Variants in HIPK3 observed in about 807,000 individuals in gnomAD.
The protein encoded by HIPK3 is homeodomain interacting protein kinase 3.
HIPK3 carries 47 observed loss-of-function variants against 124.2 expected under a neutral mutation model. That is an observed-to-expected ratio of 0.38 (90% CI 0.30 to 0.48). HIPK3 has a LOEUF of 0.48. HIPK3 is among the 20% of genes least tolerant of loss of function. HIPK3 has a pLI of 0.98. For missense variants in HIPK3, 1,286 were observed against 1,454.3 expected (o/e 0.88, Z 1.88); for synonymous variants, 482 against 515.2 (o/e 0.94, Z 0.87).
At chr11:33,320,119 G>C (rs1351210345) in intron 2 of HIPK3, among the ~76,000 whole-genome samples, 1 of 152,212 alleles carries the variant, frequency 6.6e-6, no homozygotes, top group Non-Finnish European at 1.5e-5. Context: ...AATGTGGCTG[G>C]ACCAGAGCAA....
Position 33,353,023 on chromosome 11 carries a change from C to T in HIPK3, c.3172-69C>T, listed in dbSNP as rs1240718758. ...ATCACAAAGGGTATATTGTAATTTC[C>T]CTTTCTTTCTTTCCTTTTATCTTTT... On this transcript the variant is annotated intron_variant, in intron 16 of 16. Coordinates refer to ENST00000303296, the MANE Select transcript of HIPK3 (RefSeq NM_005734.5). The T allele has an allele frequency of 8.5e-6, 8 of 942,772 alleles. No individual in the cohort carries two copies. The South Asian group carries it at 1.1e-4, about 14-fold the overall frequency. The allele number at this position is 942,772 out of a possible 1,614,324, so 58.4% of individuals were successfully genotyped here.
intron 4 of HIPK3, among the ~76,000 whole-genome samples, chr11:33,337,517 G>T (rs182691307): frequency 0.01 from 1,554 of 151,334 alleles, 8 homozygotes; most frequent in Non-Finnish European, 0.015. Context: ...CACCATGCCC[G>T]GCTAATTTTT....
rs778527157 is a variant in HIPK3, at chr11:33,354,522, G to A, written c.*954G>A. The A allele has an allele frequency of 2.0e-5, 3 of 152,566 alleles. No homozygotes were observed. The highest frequency in any genetic ancestry group is 2.9e-5 in the Non-Finnish European group (2 of 67,982). 9.5% of individuals were successfully genotyped at this position (152,566 alleles called of 1,614,324 possible). On this transcript the variant is annotated 3_prime_UTR_variant, in exon 17 of 17. Coordinates refer to ENST00000303296, the MANE Select transcript of HIPK3 (RefSeq NM_005734.5). The stretch of plus-strand genomic sequence containing the variant: ...ACTTAATAAAATGTTTAGAGGTACA[G>A]TAGGCATGACTTTGGGTAGATAATA...
Position 33,286,876 on chromosome 11 carries a change from G to A in HIPK3, c.462G>A (p.Leu154=), listed in dbSNP as rs1442623535. 6.2e-7 allele frequency: 1 copy of A among 1,614,160 alleles called. No homozygotes were observed. Among genetic ancestry groups the A allele is most frequent in the African/African-American group, 1.3e-5 (1 of 75,040 alleles). ...AATTGTCCATACTTCCTGCAATGTT[G>A]CAAACCAACATGGGAAATCCAGTGA... ...VDELSILPAM[L]QTNMGNPVTV... The change falls in exon 2 of 17, where the codon TTG becomes TTA. Residue 154 remains leucine (L), a synonymous_variant. Coordinates refer to ENST00000303296, the MANE Select transcript of HIPK3 (RefSeq NM_005734.5).
intron 8 of HIPK3, among the ~76,000 whole-genome samples, chr11:33,343,869 G>A (rs931215083): frequency 1.3e-5 from 2 of 152,182 alleles, no homozygotes; most frequent in African/African-American, 4.8e-5. Flanking sequence ...AGGTGAAATT[G>A]TGGCCCAGTG....
Position 33,257,458 on chromosome 11 carries a change from C to G in HIPK3, c.-434C>G, listed in dbSNP as rs1028851009. On this transcript the variant is annotated 5_prime_UTR_variant, in exon 1 of 17. Transcript: ENST00000303296. ...CAAGCCGCAGGCCCCGCCGTCGCCA[C>G]CACTCCCGCCAGTCTTCCTTCTCCG... 4.1e-6 allele frequency: 4 copies of G among 985,608 alleles called. No individual in the cohort carries two copies. In the Admixed American group the frequency reaches 2.5e-4, roughly 61 times the overall value. 61.1% of individuals were successfully genotyped at this position (985,608 alleles called of 1,614,324 possible). A position where few individuals can be genotyped will look rare whatever the true frequency, so the allele number is the denominator to read the frequency against.
At chr11:33,343,705 G>A (rs1220737892) in intron 8 of HIPK3, among the ~76,000 whole-genome samples, 2 of 152,188 alleles carry the variant, frequency 1.3e-5, no homozygotes, top group Non-Finnish European at 2.9e-5. Flanking sequence ...TAAGAGATGT[G>A]AAAACAGGTC....
intron 2 of HIPK3, among the ~76,000 whole-genome samples, chr11:33,306,213 G>T (rs1852154771): frequency 1.3e-5 from 2 of 152,088 alleles, no homozygotes; most frequent in Non-Finnish European, 2.9e-5. Flanking sequence ...GAATGTATTT[G>T]ATTTTGAGTA....
At chr11:33,351,587 A>G in intron 14 of HIPK3, 21 bp from the exon 15 acceptor site, 1 of 1,579,932 alleles carries the variant, frequency 6.3e-7, no homozygotes. Flanking sequence ...ATCACTCATA[A>G]AAAATGCTTT....
chr11:33,287,950 T>C (rs1851600576), intron 2 of HIPK3, among the ~76,000 whole-genome samples: 1 of 152,200 alleles, frequency 6.6e-6, no homozygotes, highest in South Asian at 2.1e-4. Flanking sequence ...GTAGCCCTTA[T>C]CTGAAACTTT....
chr11:33,347,238 A>G (rs746359251), intron 8 of HIPK3, 55 bp from the exon 9 acceptor site: 193 of 1,496,452 alleles, frequency 1.3e-4, no homozygotes, highest in Non-Finnish European at 1.6e-4. Flanking sequence ...ATAATTGTAT[A>G]AGTTAAATAA....
At chr11:33,277,284 A>G (rs969172996) in intron 1 of HIPK3, among the ~76,000 whole-genome samples, 1 of 152,190 alleles carries the variant, frequency 6.6e-6, no homozygotes, top group Non-Finnish European at 1.5e-5. Flanking sequence ...TGTTAACTTT[A>G]TAATAAATGA....
chr11:33,323,861 T>C (rs1852734839), intron 2 of HIPK3, among the ~76,000 whole-genome samples: 1 of 152,226 alleles, frequency 6.6e-6, no homozygotes, highest in African/African-American at 2.4e-5. Context: ...ACTTACCTTC[T>C]AACTGTGAGT....
rs906247710 is a variant in HIPK3 at position 33,304,328 on chromosome 11, C to T, written c.1097+16817C>T. Among the ~76,000 whole-genome samples, 7 of 152,188 alleles carry T rather than the reference C, an allele frequency of 4.6e-5. 1 individual carries two copies. Among genetic ancestry groups the T allele is most frequent in the East Asian group, 1.9e-4 (1 of 5,176 alleles). ...ATCCCAGCACTTTGGGAAGCCGAGG[C>T]GGGTGAATCACCTGAATTCGGGACT... On this transcript the variant is annotated intron_variant, in intron 2 of 16. Transcript: ENST00000303296.
At position 33,294,152 on chromosome 11, in the gene HIPK3, T is replaced by TGAAAAA. The variant is rs1445332877; in HGVS notation, c.1097+6648_1097+6653dup. Among the ~76,000 whole-genome samples the TGAAAAA allele has an allele frequency of 4.8e-5, 4 of 82,794 alleles. No individual in the cohort carries two copies. The East Asian group carries it at 9.0e-4, about 19-fold the overall frequency. The allele number at this position is 82,794 out of a possible 152,430, so 54.3% of individuals were successfully genotyped here. Reference sequence around the variant, plus strand: ...CTGGGCAACAGAGCGAGACTCCATCTGAAAAAGAAAAAAAAAAAAACGTAG... The same window carrying TGAAAAA: ...CTGGGCAACAGAGCGAGACTCCATCTGAAAAAGAAAAAGAAAAAAAAAAAAACGTAG... On this transcript the variant is annotated intron_variant, in intron 2 of 16. Transcript: ENST00000303296.
intron 2 of HIPK3, among the ~76,000 whole-genome samples, chr11:33,306,942 T>G (rs969623365): frequency 1.3e-5 from 2 of 151,308 alleles, no homozygotes. Context: ...CATCCACTTT[T>G]TTTTTTTTTT....
At position 33,317,993 on chromosome 11, in the gene HIPK3, A is replaced by G. The variant is rs143642357; in HGVS notation, c.1098-10517A>G. ...CTAAGAGGTATTTTAGAGGATGTCT[A>G]TGTATTTAATGTGAAAGATTTTTTA... On this transcript the variant is annotated intron_variant, in intron 2 of 16. Transcript: ENST00000303296. Among the ~76,000 whole-genome samples, 258 of 152,314 alleles carry G rather than the reference A, an allele frequency of 1.7e-3. 4 individuals carry two copies. Among genetic ancestry groups the G allele is most frequent in the African/African-American group, 5.7e-3 (238 of 41,580 alleles).
At position 33,354,830 on chromosome 11, in the gene HIPK3, T is replaced by C. The variant is rs569692923; in HGVS notation, c.*1262T>C. The C allele has an allele frequency of 3.3e-5, 5 of 151,946 alleles. No individual in the cohort carries two copies. Among genetic ancestry groups the C allele is most frequent in the Admixed American group, 1.3e-4 (2 of 15,246 alleles). 9.4% of individuals were successfully genotyped at this position (151,946 alleles called of 1,614,324 possible). A position where few individuals can be genotyped will look rare whatever the true frequency, so the allele number is the denominator to read the frequency against. On this transcript the variant is annotated 3_prime_UTR_variant, in exon 17 of 17. Transcript: ENST00000303296. ...TTTTCTTTCTAGGAAGTGTGTTGAG[T>C]TCCCCCCTTCCCCGACATTTTTTTC...
At chr11:33,259,223 C>T (rs763652139) in intron 1 of HIPK3, among the ~76,000 whole-genome samples, 2 of 152,094 alleles carry the variant, frequency 1.3e-5, no homozygotes, top group Non-Finnish European at 2.9e-5. Context: ...GGTTTCCTTT[C>T]TGATCAAATT....
Sources: gnomAD v4.1 joint callset for allele counts (sites outside exome capture counted in the v4.1 genomes callset) on GRCh38, gnomAD v4.1.1 for gene constraint, MANE v1.5 for transcripts, NCBI Gene and HGNC (gene_info 2026-07-23, HGNC 2026-07-21) for gene names.